Variants in RMDN2 observed in about 807,000 individuals in gnomAD.
RMDN2 encodes regulator of microtubule dynamics 2.
Under a neutral mutation model 52.8 loss-of-function variants are expected in RMDN2, and 61 were observed. The observed-to-expected ratio is 1.16, with a 90% CI of 0.94 to 1.43. RMDN2 has a LOEUF of 1.43. RMDN2 is among the 40% of genes most tolerant of loss of function. RMDN2 has a pLI of 0.00. For synonymous variants in RMDN2, 180 were observed against 153.1 expected, an observed-to-expected ratio of 1.18 and a Z score of -1.30; for missense variants, 592 against 475.3, an observed-to-expected ratio of 1.25 and a Z score of -2.28.
chr2:37,983,771 TTTAA>T (rs1299920194), intron 5 of RMDN2, among the ~76,000 whole-genome samples: 6 of 152,204 alleles, frequency 3.9e-5, no homozygotes, highest in Non-Finnish European at 8.8e-5. Flanking sequence ...CTGGACTCTC[TTTAA>T]TTATGTTAAA....
At chr2:38,013,289 C>T (rs116960241) in intron 10 of RMDN2, among the ~76,000 whole-genome samples, 2 of 152,302 alleles carry the variant, frequency 1.3e-5, no homozygotes, top group East Asian at 3.9e-4. Context: ...ATATAAAAAG[C>T]ATTATGTAAT....
At chr2:38,042,723 T>C (rs2125290722) in intron 10 of RMDN2, among the ~76,000 whole-genome samples, 1 of 152,342 alleles carries the variant, frequency 6.6e-6, no homozygotes, top group African/African-American at 2.4e-5. Flanking sequence ...TAATCCAAAA[T>C]ATTTTAAAAT....
chr2:37,951,268 C>G lies in RMDN2; in HGVS notation c.452+21539C>G. 1.2e-6 allele frequency: 2 copies of G among 1,603,578 alleles called. No individual in the cohort carries two copies. Among genetic ancestry groups the G allele is most frequent in the Non-Finnish European group, 1.7e-6 (2 of 1,176,998 alleles). On this transcript the variant is annotated intron_variant, in intron 2 of 10. Transcript: ENST00000354545. ...GAGGACCAGAGCTTCCAACGATGTT[C>G]TCCAGAAGATCAAGTTAGTACAGAC... is the stretch of plus-strand genomic sequence containing the variant.
intron 2 of RMDN2, among the ~76,000 whole-genome samples, chr2:37,933,143 G>A (rs533738525): frequency 7.6e-4 from 116 of 151,924 alleles, no homozygotes; most frequent in African/African-American, 2.4e-3. Context: ...GGGGCAGCAG[G>A]GCAGAGGTGC....
intron 10 of RMDN2, chr2:38,030,237 A>T (rs983190082): frequency 1.3e-5 from 2 of 152,170 alleles, no homozygotes; most frequent in African/African-American, 4.8e-5. Context: ...TGTGCATTCT[A>T]CTTTATTTTT....
intron 2 of RMDN2, among the ~76,000 whole-genome samples, chr2:37,947,325 G>A (rs1175290917): frequency 6.6e-6 from 1 of 152,082 alleles, no homozygotes; most frequent in African/African-American, 2.4e-5. Flanking sequence ...GTTATTCAGT[G>A]AATTAATTTT....
At chr2:38,005,254 C>T (rs903901242) in intron 10 of RMDN2, among the ~76,000 whole-genome samples, 2 of 152,242 alleles carry the variant, frequency 1.3e-5, no homozygotes, top group Non-Finnish European at 2.9e-5. Context: ...ATTTCTAGTT[C>T]TAGATCCCTG....
Position 37,951,976 on chromosome 2 carries a change from A to C in RMDN2, c.453-22064A>C, listed in dbSNP as rs761530580. 1.9e-5 allele frequency: 30 copies of C among 1,613,396 alleles called. No homozygotes were observed. The Middle Eastern group carries it at 4.9e-4, about 27-fold the overall frequency. On this transcript the variant is annotated intron_variant, in intron 2 of 10. Transcript: ENST00000354545. ...AAAGATTTCCTTCATCCTCGTCCTG[A>C]AAGTTACAGCACAGATCATTCTCCA...
At chr2:38,042,813 T>G (rs1681047831) in intron 10 of RMDN2, among the ~76,000 whole-genome samples, 1 of 152,216 alleles carries the variant, frequency 6.6e-6, no homozygotes, top group South Asian at 2.1e-4. Flanking sequence ...ATTTTCCAAT[T>G]ATCTTTCTGT....
chr2:37,946,315 G>C (rs1668216573), intron 2 of RMDN2, among the ~76,000 whole-genome samples: 1 of 152,232 alleles, frequency 6.6e-6, no homozygotes, highest in Non-Finnish European at 1.5e-5. Context: ...TTTTCAGGGA[G>C]GGTGGACTGT....
At chr2:37,925,943 A>G (rs2124874730) in intron 1 of RMDN2, among the ~76,000 whole-genome samples, 2 of 152,344 alleles carry the variant, frequency 1.3e-5, no homozygotes. Flanking sequence ...AACACTTGGG[A>G]GCCCTAAATT....
intron 5 of RMDN2, among the ~76,000 whole-genome samples, chr2:37,986,217 A>T (rs2166432): frequency 0.15 from 22,539 of 152,170 alleles, 2,521 homozygotes; most frequent in African/African-American, 0.31. Context: ...TTGAGAGGAA[A>T]CATTGAACAG....
intron 8 of RMDN2, among the ~76,000 whole-genome samples, chr2:38,002,470 T>C (rs1377970162): frequency 6.6e-6 from 1 of 151,374 alleles, no homozygotes; most frequent in African/African-American, 2.5e-5. Flanking sequence ...GTTTGTAATA[T>C]GGGAAAAAAA....
At chr2:38,010,625 T>A (rs1057018248) in intron 10 of RMDN2, among the ~76,000 whole-genome samples, 3 of 152,182 alleles carry the variant, frequency 2.0e-5, no homozygotes, top group Non-Finnish European at 4.4e-5. Context: ...TTTCTTTGAC[T>A]AGGAAAGGGA....
At chr2:37,987,239 A>T (rs966881139) in intron 5 of RMDN2, among the ~76,000 whole-genome samples, 1 of 151,376 alleles carries the variant, frequency 6.6e-6, no homozygotes, top group East Asian at 1.9e-4. Context: ...ATATTGAAAT[A>T]CATAGATGAA....
At chr2:37,984,339 A>G (rs140581972) in intron 5 of RMDN2, among the ~76,000 whole-genome samples, 11 of 152,358 alleles carry the variant, frequency 7.2e-5, no homozygotes, top group Admixed American at 2.0e-4. Context: ...GACCTTAATT[A>G]TAAGTAATGT....
chr2:38,013,976 G>T (rs1253366292), intron 10 of RMDN2, among the ~76,000 whole-genome samples: 8 of 152,220 alleles, frequency 5.3e-5, no homozygotes, highest in Admixed American at 3.3e-4. Flanking sequence ...GGCGGCCGAG[G>T]CGGGCGGATC....
intron 4 of RMDN2, among the ~76,000 whole-genome samples, chr2:37,976,167 CAT>C (rs1672433607): frequency 6.6e-6 from 1 of 152,170 alleles, no homozygotes; most frequent in Non-Finnish European, 1.5e-5. Flanking sequence ...ATGATGATTA[CAT>C]GTTGGTTCAT....
At chr2:38,020,613 G>C (rs1679279171), downstream of RMDN2, among the ~76,000 whole-genome samples, 1 of 152,208 alleles carries the variant, frequency 6.6e-6, no homozygotes, top group Non-Finnish European at 1.5e-5. Flanking sequence ...GGAGCGGCCA[G>C]CCGGCCCTGC....
Sources: gnomAD v4.1 joint callset for allele counts (sites outside exome capture counted in the v4.1 genomes callset) on GRCh38, gnomAD v4.1.1 for gene constraint, MANE v1.5 for transcripts, NCBI Gene and HGNC (gene_info 2026-07-23, HGNC 2026-07-21) for gene names.